Variants in ARNT2 observed in about 807,000 individuals in gnomAD.
ARNT2 encodes aryl hydrocarbon receptor nuclear translocator 2, also known as ARNT protein 2.
ARNT2 carries 36 observed loss-of-function variants against 91.7 expected under a neutral mutation model. That is an observed-to-expected ratio of 0.39 (90% CI 0.30 to 0.52). The LOEUF (loss-of-function observed/expected upper bound fraction) is 0.52. Ranked by LOEUF, ARNT2 falls within the 20% of genes least tolerant of loss-of-function variation. The pLI, the probability that ARNT2 is intolerant of heterozygous loss-of-function variation, is 0.72. For missense variants in ARNT2, 775 were observed against 939.3 expected (o/e 0.83, Z 2.29); for synonymous variants, 365 against 347.1 (o/e 1.05, Z -0.57).
Position 80,551,295 on chromosome 15 carries a change from C to G in ARNT2, c.954+20C>G, listed in dbSNP as rs748399913. ...CTCCAGGTAAGAAAAAATTCGTAGC[C>G]TTTTTAATCTTAAATGAAGGCTTAT... On this transcript the variant is annotated intron_variant, in intron 9 of 18. Transcript: ENST00000303329. 2.5e-6 allele frequency: 4 copies of G among 1,604,126 alleles called. No individual in the cohort carries two copies. The highest frequency in any genetic ancestry group is 3.4e-6 in the Non-Finnish European group (4 of 1,171,272).
chr15:80,589,047 C>T (rs1227355637), intron 17 of ARNT2, among the ~76,000 whole-genome samples: 3 of 152,136 alleles, frequency 2.0e-5, no homozygotes, highest in Non-Finnish European at 4.4e-5. Flanking sequence ...TTATTTCCTT[C>T]TTGTTTGTTG....
chr15:80,423,275 C>T (rs1420960098), intron 1 of ARNT2, among the ~76,000 whole-genome samples: 1 of 152,244 alleles, frequency 6.6e-6, no homozygotes, highest in African/African-American at 2.4e-5. Context: ...ACGTCACCAT[C>T]ATCCTAGACC....
intron 8 of ARNT2, among the ~76,000 whole-genome samples, chr15:80,523,876 C>T (rs545522041): frequency 6.6e-6 from 1 of 152,304 alleles, no homozygotes; most frequent in East Asian, 1.9e-4. Context: ...TGCATTAAGT[C>T]TGCAACGATG....
At chr15:80,537,608 AG>A (rs1242479228) in intron 8 of ARNT2, among the ~76,000 whole-genome samples, 3 of 152,242 alleles carry the variant, frequency 2.0e-5, no homozygotes, top group Admixed American at 6.5e-5. Flanking sequence ...ATACAGGAGC[AG>A]GTTCTCTCAG....
At chr15:80,456,645 G>T (rs1896485627) in intron 2 of ARNT2, among the ~76,000 whole-genome samples, 1 of 152,186 alleles carries the variant, frequency 6.6e-6, no homozygotes, top group African/African-American at 2.4e-5. Context: ...TCTTGGGTGT[G>T]CCCATGCAAG....
At chr15:80,437,868 A>G (rs1057346699) in intron 1 of ARNT2, among the ~76,000 whole-genome samples, 6 of 151,442 alleles carry the variant, frequency 4.0e-5, no homozygotes, top group African/African-American at 1.5e-4. Context: ...TAAAAATCCT[A>G]TGTAGTCTTA....
chr15:80,482,231 T>G (rs147910715), intron 5 of ARNT2, among the ~76,000 whole-genome samples: 43 of 152,258 alleles, frequency 2.8e-4, no homozygotes, highest in Non-Finnish European at 4.6e-4. Flanking sequence ...TTCTAGCACG[T>G]TTACCTATTT....
intron 1 of ARNT2, among the ~76,000 whole-genome samples, chr15:80,426,992 C>A (rs925792392): frequency 6.6e-6 from 1 of 152,140 alleles, no homozygotes; most frequent in Non-Finnish European, 1.5e-5. Context: ...TCATTCATGA[C>A]CTCATATAAG....
At chr15:80,534,551 G>A (rs72732066) in intron 8 of ARNT2, among the ~76,000 whole-genome samples, 59,537 of 151,982 alleles carry the variant, frequency 0.39, 12,312 homozygotes, top group African/African-American at 0.5. Context: ...TTTAAAAAAT[G>A]GAGCTCATGT....
intron 5 of ARNT2, among the ~76,000 whole-genome samples, chr15:80,494,622 T>A (rs1897100853): frequency 6.6e-6 from 1 of 152,196 alleles, no homozygotes; most frequent in South Asian, 2.1e-4. Flanking sequence ...GATTTTATAA[T>A]GAATAGCAGA....
chr15:80,432,502 C>A (rs1203571539), intron 1 of ARNT2, among the ~76,000 whole-genome samples: 1 of 152,142 alleles, frequency 6.6e-6, no homozygotes, highest in Non-Finnish European at 1.5e-5. Flanking sequence ...GAAACACAAC[C>A]ACCCCCACTC....
chr15:80,568,450 G>GTGCA (rs1041032372), intron 12 of ARNT2, among the ~76,000 whole-genome samples: 2 of 152,188 alleles, frequency 1.3e-5, no homozygotes, highest in African/African-American at 4.8e-5. Context: ...GTGTGTGTGT[G>GTGCA]TGCATGTGTT....
intron 8 of ARNT2, among the ~76,000 whole-genome samples, chr15:80,546,100 G>A (rs1296799304): frequency 6.6e-6 from 1 of 152,190 alleles, no homozygotes; most frequent in Admixed American, 6.5e-5. Flanking sequence ...AAGTGATTGA[G>A]TTTTGCTGCG....
intron 1 of ARNT2, among the ~76,000 whole-genome samples, chr15:80,433,215 G>C (rs1896034647): frequency 7.1e-6 from 1 of 140,068 alleles, no homozygotes; most frequent in Non-Finnish European, 1.6e-5. Context: ...TTCCTTTTTA[G>C]AAAAGGCACT....
intron 2 of ARNT2, among the ~76,000 whole-genome samples, chr15:80,452,699 G>A (rs1896416162): frequency 4.6e-5 from 7 of 152,206 alleles, no homozygotes; most frequent in Admixed American, 4.6e-4. Context: ...ACCAAGTCCA[G>A]GCAGAGATGC....
chr15:80,547,307 A>G (rs1160190509), intron 8 of ARNT2, among the ~76,000 whole-genome samples: 6 of 152,222 alleles, frequency 3.9e-5, no homozygotes, highest in Non-Finnish European at 5.9e-5. Context: ...TGGTCATTGT[A>G]TTCTTTATCA....
intron 17 of ARNT2, 101 bp downstream of exon 17, chr15:80,581,505 A>C (rs1421144189): frequency 2.7e-6 from 4 of 1,494,750 alleles, no homozygotes; most frequent in Non-Finnish European, 3.7e-6. Context: ...CCAGCTACCA[A>C]AACAAGGTCT....
chr15:80,559,623 G>C (rs1898286209), intron 11 of ARNT2, among the ~76,000 whole-genome samples: 1 of 152,172 alleles, frequency 6.6e-6, no homozygotes, highest in Non-Finnish European at 1.5e-5. Flanking sequence ...TTGAGTTTGA[G>C]GGGGTGAGAG....
intron 17 of ARNT2, among the ~76,000 whole-genome samples, chr15:80,587,809 G>A (rs924955414): frequency 2.0e-5 from 3 of 152,222 alleles, no homozygotes; most frequent in African/African-American, 7.2e-5. Context: ...GCACAGAGAT[G>A]TAACTGCATG....
Sources: allele counts gnomAD v4.1 joint callset (sites outside exome capture counted in the v4.1 genomes callset), GRCh38; gene constraint gnomAD v4.1.1; transcripts MANE v1.5; gene names NCBI Gene and HGNC (gene_info 2026-07-23, HGNC 2026-07-21).